The following RFTN2 variants were observed in gnomAD, a reference collection of about 807,000 sequenced individuals.
RFTN2 encodes raftlin family member 2, also known as raftlin-2.
RFTN2 carries 34 observed loss-of-function variants against 52.7 expected under a neutral mutation model. That is an observed-to-expected ratio of 0.64 (90% CI 0.49 to 0.86). The LOEUF is 0.86. Ranked by LOEUF, RFTN2 falls within the 40% of genes least tolerant of loss-of-function variation. The pLI, the probability that RFTN2 is intolerant of heterozygous loss-of-function variation, is 0.00. For synonymous variants in RFTN2, 203 were observed against 217.7 expected (o/e 0.93, Z 0.59); for missense variants, 536 against 600.1 (o/e 0.89, Z 1.12).
intron 8 of RFTN2, among the ~76,000 whole-genome samples, chr2:197,579,901 A>ACTAG (rs760736131): frequency 6.6e-6 from 1 of 152,094 alleles, no homozygotes; most frequent in Non-Finnish European, 1.5e-5. Context: ...TTGTTCCACG[A>ACTAG]CTAGCTCTCC....
At chr2:197,645,634 A>G (rs1395701203) in intron 2 of RFTN2, among the ~76,000 whole-genome samples, 11 of 152,250 alleles carry the variant, frequency 7.2e-5, no homozygotes. Flanking sequence ...AAAAAACACT[A>G]CAATGGTTAG....
In RFTN2 at chr2:197,580,959, C is replaced by G. The variant is rs372675314; in HGVS notation, c.1234-8679G>C. Among the ~76,000 whole-genome samples the G allele has an allele frequency of 4.6e-5, 7 of 152,258 alleles. No individual in the cohort carries two copies. In the South Asian group the frequency reaches 1.5e-3, roughly 32 times the overall value. On this transcript the variant is annotated intron_variant, in intron 8 of 8. Transcript: ENST00000295049. ...CTCATTGCTGCCCTTCGTCCCAACC[C>G]AAAACCTCCTTCGTGTCTTCCTCTC...
At chr2:197,616,367 C>T (rs1280400899) in intron 6 of RFTN2, among the ~76,000 whole-genome samples, 1 of 146,768 alleles carries the variant, frequency 6.8e-6, no homozygotes, top group Non-Finnish European at 1.5e-5. Flanking sequence ...TCATAACTCA[C>T]TTTAACCTCA....
chr2:197,590,649 T>C lies in RFTN2; in HGVS notation c.1233+5342A>G, dbSNP rs550243773. ...TAAAGGCGGCGTGTCCGGAGTTTGC[T>C]CCTTCTGGTGTTTGGATGTGTTCGG... On this transcript the variant is annotated intron_variant, in intron 8 of 8. Transcript: ENST00000295049. 1.3e-3 allele frequency among the ~76,000 whole-genome samples: 200 copies of C among 152,272 alleles called. 1 individual carries two copies. The highest frequency in any genetic ancestry group is 3.4e-3 in the Middle Eastern group (1 of 294).
chr2:197,634,692 A>AT (rs1054554844), intron 3 of RFTN2, among the ~76,000 whole-genome samples: 1 of 147,804 alleles, frequency 6.8e-6, no homozygotes. Context: ...CTTATTTTTT[A>AT]TTTTTTATTT....
At chr2:197,573,967 G>A (rs2087369536) in intron 8 of RFTN2, among the ~76,000 whole-genome samples, 1 of 152,238 alleles carries the variant, frequency 6.6e-6, no homozygotes. Flanking sequence ...GATTTCAGAG[G>A]ATGTAAGGAA....
At chr2:197,582,757 T>C (rs1236593396) in intron 8 of RFTN2, among the ~76,000 whole-genome samples, 2 of 152,176 alleles carry the variant, frequency 1.3e-5, no homozygotes, top group East Asian at 1.9e-4. Flanking sequence ...TTTAATAAAA[T>C]AGGCCTCTTC....
rs2087577074 is a variant in RFTN2 at position 197,585,256 on chromosome 2, C to G, written c.1233+10735G>C. ...TGCAACAGGGCTTTATGCAATCACC[C>G]TCACTATTTGGACTGCACCCCAAAA... On this transcript the variant is annotated intron_variant, in intron 8 of 8. Coordinates refer to ENST00000295049, the MANE Select transcript of RFTN2 (RefSeq NM_144629.3). Among the ~76,000 whole-genome samples the G allele has an allele frequency of 2.6e-5, 4 of 152,288 alleles. 1 individual carries two copies. The South Asian group carries it at 8.3e-4, about 32-fold the overall frequency.
intron 1 of RFTN2, among the ~76,000 whole-genome samples, chr2:197,665,659 G>C: frequency 6.6e-6 from 1 of 151,724 alleles, no homozygotes; most frequent in East Asian, 1.9e-4. Flanking sequence ...GTATGTGTCT[G>C]TATAGGTAAA....
At chr2:197,653,831 T>G (rs2088856088) in intron 1 of RFTN2, among the ~76,000 whole-genome samples, 1 of 152,196 alleles carries the variant, frequency 6.6e-6, no homozygotes, top group African/African-American at 2.4e-5. Context: ...AACTGCTCAT[T>G]GAACTGGGGT....
At chr2:197,576,000 T>A (rs1019378270) in intron 8 of RFTN2, among the ~76,000 whole-genome samples, 1 of 150,652 alleles carries the variant, frequency 6.6e-6, no homozygotes, top group African/African-American at 2.4e-5. Context: ...TGAGATTTCA[T>A]TATAGGAGCC....
chr2:197,578,391 T>C (rs2087452713), intron 8 of RFTN2, among the ~76,000 whole-genome samples: 1 of 152,182 alleles, frequency 6.6e-6, no homozygotes, highest in Non-Finnish European at 1.5e-5. Flanking sequence ...TTTTTTCTTT[T>C]TTTACCACGT....
At chr2:197,612,706 G>C (rs1439132194) in intron 7 of RFTN2, among the ~76,000 whole-genome samples, 1 of 152,226 alleles carries the variant, frequency 6.6e-6, no homozygotes, top group Non-Finnish European at 1.5e-5. Flanking sequence ...ACGTTTCCAT[G>C]GTAATGCAGC....
At chr2:197,618,976 G>T (rs1159667636) in intron 5 of RFTN2, among the ~76,000 whole-genome samples, 2 of 151,702 alleles carry the variant, frequency 1.3e-5, no homozygotes, top group Non-Finnish European at 2.9e-5. Context: ...CCCCCCGCCC[G>T]GCCAGCCGCC....
At position 197,622,485 on chromosome 2, in the gene RFTN2, T is replaced by C. The variant is rs186061921; in HGVS notation, c.929-4564A>G. Among the ~76,000 whole-genome samples the C allele has an allele frequency of 5.3e-5, 8 of 152,218 alleles. No homozygotes were observed. The East Asian group carries it at 1.5e-3, about 29-fold the overall frequency. ...CAAACCCAGCTAATTTTTGTATTTT[T>C]AGTAGAGGCGGGGTTTCACCATTTT... On this transcript the variant is annotated intron_variant, in intron 5 of 8. Coordinates refer to ENST00000295049, the MANE Select transcript of RFTN2 (RefSeq NM_144629.3).
intron 7 of RFTN2, among the ~76,000 whole-genome samples, chr2:197,611,866 T>C (rs2088066869): frequency 6.6e-6 from 1 of 152,226 alleles, no homozygotes; most frequent in Non-Finnish European, 1.5e-5. Context: ...CGTTTTGTTA[T>C]TCACCCAACA....
intron 8 of RFTN2, among the ~76,000 whole-genome samples, chr2:197,585,111 C>T (rs570775546): frequency 6.6e-6 from 1 of 152,280 alleles, no homozygotes; most frequent in South Asian, 2.1e-4. Flanking sequence ...TCCTGGAAGT[C>T]GCAAGTACTC....
chr2:197,579,889 T>C (rs1358364826), intron 8 of RFTN2, among the ~76,000 whole-genome samples: 3 of 152,104 alleles, frequency 2.0e-5, no homozygotes, highest in Non-Finnish European at 4.4e-5. Context: ...TGGCTTACAG[T>C]TTTGTTCCAC....
At chr2:197,634,789 G>A (rs1215492396) in intron 3 of RFTN2, among the ~76,000 whole-genome samples, 2 of 151,006 alleles carry the variant, frequency 1.3e-5, no homozygotes, top group African/African-American at 2.4e-5. Flanking sequence ...ACATTGTGCA[G>A]GTTAGTTACA....
Sources: gnomAD v4.1 joint callset for allele counts (sites outside exome capture counted in the v4.1 genomes callset) on GRCh38, gnomAD v4.1.1 for gene constraint, MANE v1.5 for transcripts, NCBI Gene and HGNC (gene_info 2026-07-23, HGNC 2026-07-21) for gene names.